PABPC4L: variants seen among roughly 807,000 people sequenced by gnomAD.
The protein encoded by PABPC4L is polyadenylate-binding protein 4-like.
For missense variants in PABPC4L, 452 were observed against 451.4 expected (o/e 1.00, Z -0.01); for synonymous variants, 169 against 164.1 (o/e 1.03, Z -0.23).
At chr4:134,045,056 AT>A in the PABPC4L span, among the ~76,000 whole-genome samples, 1 of 152,068 alleles carries the variant, frequency 6.6e-6, no homozygotes, top group East Asian at 1.9e-4. Context: ...GTTTTATTTT[AT>A]TCTTTGATCG....
chr4:134,068,076 T>C, the PABPC4L span, among the ~76,000 whole-genome samples: 1,934 of 152,186 alleles, frequency 0.013, 43 homozygotes, highest in African/African-American at 0.041. Context: ...AATATGTTTG[T>C]TAATTTTCTG....
the PABPC4L span, among the ~76,000 whole-genome samples, chr4:133,966,405 T>A: frequency 6.6e-6 from 1 of 152,248 alleles, no homozygotes; most frequent in Non-Finnish European, 1.5e-5. Flanking sequence ...GGAGATTCCT[T>A]AAAGAACTAA....
the PABPC4L span, among the ~76,000 whole-genome samples, chr4:133,974,503 G>GA: frequency 2.8e-4 from 42 of 150,906 alleles, no homozygotes; most frequent in Non-Finnish European, 4.4e-4. Context: ...GAAAAGAAAA[G>GA]AAAAAAAACA....
At chr4:133,971,794 C>G in the PABPC4L span, among the ~76,000 whole-genome samples, 1 of 152,160 alleles carries the variant, frequency 6.6e-6, no homozygotes, top group Non-Finnish European at 1.5e-5. Context: ...GAACAGCATG[C>G]TTTTTCTCCC....
chr4:133,960,013 C>T, the PABPC4L span, among the ~76,000 whole-genome samples: 11 of 152,140 alleles, frequency 7.2e-5, no homozygotes, highest in African/African-American at 2.4e-4. Context: ...ATTACTATAT[C>T]CAGATGTCAA....
chr4:134,195,656 G>T (rs1729633123), downstream of PABPC4L, among the ~76,000 whole-genome samples: 1 of 151,688 alleles, frequency 6.6e-6, no homozygotes, highest in Non-Finnish European at 1.5e-5. Flanking sequence ...AGTTAAGAAT[G>T]CCACTAAGAA....
the PABPC4L span, among the ~76,000 whole-genome samples, chr4:134,019,983 T>C: frequency 6.6e-6 from 1 of 152,078 alleles, no homozygotes; most frequent in African/African-American, 2.4e-5. Context: ...ACCTATCAAG[T>C]GGCCAGAATG....
At chr4:134,050,880 A>AT in the PABPC4L span, among the ~76,000 whole-genome samples, 74 of 134,710 alleles carry the variant, frequency 5.5e-4, no homozygotes, top group Middle Eastern at 3.6e-3. Context: ...ATTGACCTTT[A>AT]TTTTTTTTTT....
the PABPC4L span, among the ~76,000 whole-genome samples, chr4:133,980,942 G>A: frequency 4.6e-4 from 70 of 152,266 alleles, 1 homozygote; most frequent in South Asian, 0.012. Context: ...CAGATCATTT[G>A]AGGTCAGGAG....
chr4:134,144,931 AAT>A, the PABPC4L span, among the ~76,000 whole-genome samples: 3 of 151,734 alleles, frequency 2.0e-5, no homozygotes, highest in Non-Finnish European at 4.4e-5. Context: ...TCATCCATCT[AAT>A]TAAAACTTTT....
the PABPC4L span, among the ~76,000 whole-genome samples, chr4:134,152,029 T>C: frequency 0.014 from 2,116 of 152,058 alleles, 44 homozygotes; most frequent in African/African-American, 0.048. Context: ...TTCAAGTTTT[T>C]TGCCCAATTT....
chr4:134,117,415 A>T, the PABPC4L span, among the ~76,000 whole-genome samples: 1 of 151,928 alleles, frequency 6.6e-6, no homozygotes, highest in East Asian at 1.9e-4. Flanking sequence ...ACATGGAATG[A>T]TAAAAATATC....
the PABPC4L span, among the ~76,000 whole-genome samples, chr4:134,016,948 T>A: frequency 6.6e-6 from 1 of 152,152 alleles, no homozygotes. Flanking sequence ...TATCTCTTAG[T>A]CTAGGTAAAC....
At chr4:134,012,389 G>T in the PABPC4L span, among the ~76,000 whole-genome samples, 1 of 152,012 alleles carries the variant, frequency 6.6e-6, no homozygotes, top group Admixed American at 6.6e-5. Context: ...GGCTCATCCT[G>T]GCTCAAAAGC....
chr4:134,178,385 A>G, the PABPC4L span, among the ~76,000 whole-genome samples: 1 of 133,690 alleles, frequency 7.5e-6, no homozygotes, highest in East Asian at 2.9e-4. Context: ...AAAAAAAAAA[A>G]AATCCCCACA....
the PABPC4L span, among the ~76,000 whole-genome samples, chr4:134,191,286 A>G: frequency 6.6e-6 from 1 of 152,110 alleles, no homozygotes; most frequent in African/African-American, 2.4e-5. Flanking sequence ...TGTTTCAACC[A>G]GACGGAAAAT....
the PABPC4L span, among the ~76,000 whole-genome samples, chr4:134,181,959 T>C: frequency 6.6e-6 from 1 of 150,802 alleles, no homozygotes; most frequent in Non-Finnish European, 1.5e-5. Flanking sequence ...ACATATTCAA[T>C]GCTATACACA....
the PABPC4L span, among the ~76,000 whole-genome samples, chr4:133,950,162 T>C: frequency 6.6e-6 from 1 of 152,128 alleles, no homozygotes; most frequent in African/African-American, 2.4e-5. Context: ...CTGGCTTCCA[T>C]TGTTTGAATC....
chr4:134,156,374 T>C, the PABPC4L span, among the ~76,000 whole-genome samples: 2 of 151,910 alleles, frequency 1.3e-5, no homozygotes, highest in African/African-American at 4.8e-5. Flanking sequence ...ATAGTGCTCG[T>C]TACCTCTTAA....
Sources: allele counts gnomAD v4.1 joint callset (sites outside exome capture counted in the v4.1 genomes callset), GRCh38; gene constraint gnomAD v4.1.1; transcripts MANE v1.5; gene names NCBI Gene and HGNC (gene_info 2026-07-23, HGNC 2026-07-21).